COL15A1: variants seen among roughly 807,000 people sequenced by gnomAD.
The protein encoded by COL15A1 is collagen type XV alpha 1 chain, also known as collagen alpha-1(XV) chain.
COL15A1 carries 111 observed loss-of-function variants against 165.9 expected under a neutral mutation model. That is an observed-to-expected ratio of 0.67 (90% CI 0.57 to 0.78). The LOEUF is 0.78. COL15A1 is among the 30% of genes least tolerant of loss of function. The pLI, the probability that COL15A1 is intolerant of heterozygous loss-of-function variation, is 0.00. For missense variants in COL15A1, 1,745 were observed against 1,789.7 expected (o/e 0.98, Z 0.45); for synonymous variants, 659 against 674.8 (o/e 0.98, Z 0.36).
Position 99,067,004 on chromosome 9 carries a change from G to T in COL15A1, c.3774G>T (p.Leu1258Phe). Residue 1258 changes from leucine to phenylalanine, a missense_variant, in exon 40 of 42, where the codon TTG (leucine) becomes TTT (phenylalanine). Physicochemically the swap from Leu to Phe is conservative, Grantham distance 22 (BLOSUM62 0). Coordinates refer to ENST00000375001, the MANE Select transcript of COL15A1 (RefSeq NM_001855.5). Reference sequence around the variant, plus strand: ...ACCGAGCATTCTTATCTTCCCATTTGCAAGATCTGTCCACCATTGTGAGGA... The same window carrying T: ...ACCGAGCATTCTTATCTTCCCATTTTCAAGATCTGTCCACCATTGTGAGGA... ...STYRAFLSSH[L>F]QDLSTIVRKA... 1 of 1,614,154 alleles carries T rather than the reference G, an allele frequency of 6.2e-7. No individual in the cohort carries two copies. Among genetic ancestry groups the T allele is most frequent in the South Asian group, 1.1e-5 (1 of 91,082 alleles).
intron 2 of COL15A1, among the ~76,000 whole-genome samples, chr9:98,980,716 C>T (rs986100567): frequency 6.6e-6 from 1 of 152,140 alleles, no homozygotes; most frequent in East Asian, 1.9e-4. Context: ...AGGGGTTAAT[C>T]GTTTTCATAA....
intron 15 of COL15A1, among the ~76,000 whole-genome samples, chr9:99,025,488 T>A (rs1839108370): frequency 6.6e-6 from 1 of 152,228 alleles, no homozygotes; most frequent in Non-Finnish European, 1.5e-5. Context: ...GTGTATTAAA[T>A]GCATTTTGGA....
At chr9:99,007,798 A>G (rs1270368390) in intron 9 of COL15A1, among the ~76,000 whole-genome samples, 2 of 152,236 alleles carry the variant, frequency 1.3e-5, no homozygotes, top group Non-Finnish European at 2.9e-5. Flanking sequence ...TAGTGATTTC[A>G]AAAATGGGGA....
At chr9:98,961,959 C>T (rs1244765110) in intron 2 of COL15A1, among the ~76,000 whole-genome samples, 1 of 152,210 alleles carries the variant, frequency 6.6e-6, no homozygotes, top group East Asian at 1.9e-4. Context: ...CTCAGGGCCT[C>T]CCAGGCCACG....
chr9:99,035,284 C>A, intron 18 of COL15A1, 66 bp from the exon 19 acceptor site: 1 of 1,611,072 alleles, frequency 6.2e-7, no homozygotes, highest in Non-Finnish European at 8.5e-7. Flanking sequence ...GCTTCCAACA[C>A]CACACCTGGC....
chr9:99,069,224 CACTA>C (rs1443311207), intron 41 of COL15A1, among the ~76,000 whole-genome samples: 24 of 151,028 alleles, frequency 1.6e-4, no homozygotes, highest in African/African-American at 5.3e-4. Flanking sequence ...AATAGACACA[CACTA>C]ACTGTGACTC....
At chr9:98,988,003 A>G (rs1838346406) in intron 4 of COL15A1, among the ~76,000 whole-genome samples, 3 of 152,184 alleles carry the variant, frequency 2.0e-5, no homozygotes, top group Admixed American at 2.0e-4. Flanking sequence ...GAGAGGAAAG[A>G]GGAGGAACTT....
intron 9 of COL15A1, among the ~76,000 whole-genome samples, chr9:99,011,988 T>C (rs1321919194): frequency 1.3e-5 from 2 of 152,238 alleles, no homozygotes; most frequent in Non-Finnish European, 1.5e-5. Context: ...TATCAGACAG[T>C]ACACAAGCAA....
At chr9:98,989,057 C>A in intron 4 of COL15A1, 121 bp from the exon 5 acceptor site, 1 of 725,514 alleles carries the variant, frequency 1.4e-6, no homozygotes, top group Non-Finnish European at 2.5e-6. Context: ...CACACACACA[C>A]ACACACACGG....
At chr9:99,033,675 T>G (rs751201460) in intron 16 of COL15A1, among the ~76,000 whole-genome samples, 1 of 152,210 alleles carries the variant, frequency 6.6e-6, no homozygotes, top group Admixed American at 6.5e-5. Flanking sequence ...GGATTTGATA[T>G]AAGGAGGAGA....
Position 98,943,931 on chromosome 9 carries a change from G to C in COL15A1, c.-131G>C. ...GATTCTGCCCGCCGCCGCCGCTGCCGAGCGCCGCCTTTGTTCCCTGCAGGA... is the reference window on the plus strand; with the variant it reads ...GATTCTGCCCGCCGCCGCCGCTGCCCAGCGCCGCCTTTGTTCCCTGCAGGA... On this transcript the variant is annotated 5_prime_UTR_variant, in exon 1 of 42. Transcript: ENST00000375001. 1.6e-6 allele frequency: 2 copies of C among 1,240,838 alleles called. No homozygotes were observed. The highest frequency in any genetic ancestry group is 3.6e-5 in the South Asian group (2 of 55,738). 76.9% of individuals were successfully genotyped at this position (1,240,838 alleles called of 1,614,324 possible).
chr9:98,980,819 C>T (rs1169718725), intron 2 of COL15A1, among the ~76,000 whole-genome samples: 3 of 152,194 alleles, frequency 2.0e-5, no homozygotes, highest in Admixed American at 6.5e-5. Context: ...AACACTATCA[C>T]TACCGTTGAA....
chr9:98,993,722 C>T (rs1483753334), intron 5 of COL15A1, among the ~76,000 whole-genome samples: 2 of 152,106 alleles, frequency 1.3e-5, no homozygotes, highest in Non-Finnish European at 2.9e-5. Flanking sequence ...CTGGGGACTT[C>T]CCCCTTTTAA....
At chr9:99,036,106 C>T in intron 19 of COL15A1, 64 bp from the exon 20 acceptor site, 1 of 1,334,732 alleles carries the variant, frequency 7.5e-7, no homozygotes, top group Non-Finnish European at 1.1e-6. Flanking sequence ...GATGGTGAGA[C>T]AAGAGGCTAG....
Position 98,986,079 on chromosome 9 carries a change from C to T in COL15A1, c.615C>T (p.Gly205=). The T allele has an allele frequency of 6.2e-7, 1 of 1,613,756 alleles. No homozygotes were observed. The change falls in exon 3 of 42, where the codon GGC becomes GGT. Residue 205 remains glycine (G), a synonymous_variant. Coordinates refer to ENST00000375001, the MANE Select transcript of COL15A1 (RefSeq NM_001855.5). ...AGTCCAGCGCTGGAATCTTCATGGG[C>T]AATGCAGGAGCTACAGGGCTCGAGA... The part of the protein sequence containing the change: ...AFESSAGIFM[G]NAGATGLERF...
chr9:99,004,849 G>A (rs1392890106), intron 8 of COL15A1, 49 bp from the exon 9 acceptor site: 1 of 1,611,442 alleles, frequency 6.2e-7, no homozygotes, highest in South Asian at 1.1e-5. Flanking sequence ...CAGTGTGGTG[G>A]ATCAGCATCA....
chr9:98,947,252 T>A (rs1837602130), intron 2 of COL15A1, among the ~76,000 whole-genome samples: 1 of 152,072 alleles, frequency 6.6e-6, no homozygotes. Context: ...TACAACAACA[T>A]GGATAAACCT....
intron 2 of COL15A1, among the ~76,000 whole-genome samples, chr9:98,955,564 A>G (rs1045827949): frequency 9.8e-5 from 15 of 152,362 alleles, no homozygotes; most frequent in Non-Finnish European, 2.2e-4. Context: ...GCCTCCAGCC[A>G]CACTGAAAGA....
At chr9:99,012,417 A>G (rs2118980485) in intron 9 of COL15A1, among the ~76,000 whole-genome samples, 1 of 152,318 alleles carries the variant, frequency 6.6e-6, no homozygotes, top group East Asian at 1.9e-4. Flanking sequence ...ACAAAAATAA[A>G]TGTCTGGATG....
Sources: gnomAD v4.1 joint callset for allele counts (sites outside exome capture counted in the v4.1 genomes callset) on GRCh38, gnomAD v4.1.1 for gene constraint, MANE v1.5 for transcripts, NCBI Gene and HGNC (gene_info 2026-07-23, HGNC 2026-07-21) for gene names.